Variants in SEMA5A observed in about 807,000 individuals in gnomAD.
SEMA5A encodes the protein semaphorin-5A.
In SEMA5A, 55 loss-of-function variants were observed where a neutral mutation model predicts 135.5. The observed-to-expected ratio is 0.41, with a 90% CI of 0.33 to 0.51. SEMA5A has a LOEUF of 0.51. Ranked by LOEUF, SEMA5A falls within the 20% of genes least tolerant of loss-of-function variation. The pLI is 0.37. For missense variants in SEMA5A, 1,290 were observed against 1,419.9 expected (o/e 0.91, Z 1.47); for synonymous variants, 580 against 546.5 (o/e 1.06, Z -0.85).
At chr5:9,147,192 T>C (rs1203718644) in intron 12 of SEMA5A, among the ~76,000 whole-genome samples, 1 of 152,210 alleles carries the variant, frequency 6.6e-6, no homozygotes, top group Non-Finnish European at 1.5e-5. Context: ...TGATGAGGTG[T>C]TAATTTCTTT....
intron 8 of SEMA5A, among the ~76,000 whole-genome samples, chr5:9,223,956 C>A (rs1288883904): frequency 6.6e-6 from 1 of 152,114 alleles, no homozygotes; most frequent in East Asian, 1.9e-4. Context: ...TTTCTGGTTT[C>A]TTTAAAAATA....
rs142815551 is a variant in SEMA5A, at chr5:9,274,663, C to G, written c.271-36773G>C. 1.9e-3 allele frequency among the ~76,000 whole-genome samples: 286 copies of G among 152,270 alleles called. 1 individual carries two copies. Among genetic ancestry groups the G allele is most frequent in the Admixed American group, 3.7e-3 (57 of 15,304 alleles). On this transcript the variant is annotated intron_variant, in intron 5 of 22. Coordinates refer to ENST00000382496, the MANE Select transcript of SEMA5A (RefSeq NM_003966.3). ...ACCACAGTGCAATCAAATTAGAACT[C>G]AGGATTAAGAAACGCACTCAAAACC...
intron 2 of SEMA5A, among the ~76,000 whole-genome samples, chr5:9,436,235 T>C (rs1014737643): frequency 6.6e-6 from 1 of 152,222 alleles, no homozygotes; most frequent in Non-Finnish European, 1.5e-5. Context: ...CTTCCTATCA[T>C]ATATCATGAT....
At chr5:9,306,418 T>C (rs1751873562) in intron 5 of SEMA5A, among the ~76,000 whole-genome samples, 2 of 152,066 alleles carry the variant, frequency 1.3e-5, no homozygotes, top group South Asian at 4.1e-4. Context: ...CTATGTCTAA[T>C]CTGCTGTTAA....
intron 2 of SEMA5A, among the ~76,000 whole-genome samples, chr5:9,383,428 G>C (rs1755699836): frequency 6.6e-6 from 1 of 152,150 alleles, no homozygotes; most frequent in Non-Finnish European, 1.5e-5. Context: ...CAATGATAAA[G>C]ATAAAATGGG....
At chr5:9,469,809 A>G (rs754754538) in intron 1 of SEMA5A, among the ~76,000 whole-genome samples, 11 of 152,242 alleles carry the variant, frequency 7.2e-5, no homozygotes, top group Non-Finnish European at 1.3e-4. Context: ...GGCTTGCATT[A>G]AAAGCATTTT....
chr5:9,050,337 A>AAAAC, intron 21 of SEMA5A, 73 bp downstream of exon 21: 1 of 1,380,464 alleles, frequency 7.2e-7, no homozygotes, highest in Admixed American at 2.3e-5. Context: ...AAAATTATAG[A>AAAAC]AAACATGCAG....
chr5:9,050,269 GTAGA>G (rs1736492390), intron 21 of SEMA5A, 137 bp downstream of exon 21: 4 of 719,370 alleles, frequency 5.6e-6, no homozygotes, highest in Non-Finnish European at 9.0e-6. Flanking sequence ...TTATGCCAAG[GTAGA>G]ATGCCTGGGA....
intron 1 of SEMA5A, among the ~76,000 whole-genome samples, chr5:9,491,278 C>T (rs886637417): frequency 1.5e-4 from 23 of 151,986 alleles, no homozygotes; most frequent in Middle Eastern, 3.2e-3. Flanking sequence ...AGGGGATTTT[C>T]GGGGCACGAG....
intron 19 of SEMA5A, 95 bp downstream of exon 19, chr5:9,053,992 T>G: frequency 1.4e-6 from 2 of 1,419,002 alleles, no homozygotes; most frequent in South Asian, 1.4e-5. Context: ...CTTTCAGTAC[T>G]TACCATGATG....
intron 3 of SEMA5A, among the ~76,000 whole-genome samples, chr5:9,361,519 T>C (rs1287445531): frequency 6.6e-6 from 1 of 152,188 alleles, no homozygotes; most frequent in African/African-American, 2.4e-5. Flanking sequence ...AAATACTTAA[T>C]AAATGTCTTA....
At chr5:9,340,952 C>G (rs1320768115) in intron 3 of SEMA5A, among the ~76,000 whole-genome samples, 1 of 152,164 alleles carries the variant, frequency 6.6e-6, no homozygotes, top group Non-Finnish European at 1.5e-5. Flanking sequence ...ACCAGTTGCT[C>G]TCATCTCTTC....
chr5:9,066,426 GT>G lies in SEMA5A; in HGVS notation c.2293del (p.Thr765GlnfsTer99). The stretch of plus-strand genomic sequence containing the variant: ...CCCACGGAATCACTACTCACCATCT[GT>G]GGAGCAGCCACTGGTGCCGTCGCTA... Reference protein sequence around the residue: ...CSSDGTSGCSTDGLSGDFLRA... With the variant: ...CSSDGTSGCSXDGLSGDFLRA... On this transcript the variant is annotated frameshift_variant, in exon 17 of 23. Transcript: ENST00000382496. LOFTEE classifies it high-confidence loss of function. 6.2e-7 allele frequency: 1 copy of G among 1,614,076 alleles called. No homozygotes were observed. The highest frequency in any genetic ancestry group is 8.5e-7 in the Non-Finnish European group (1 of 1,179,906).
At chr5:9,480,974 C>A (rs1446800358) in intron 1 of SEMA5A, among the ~76,000 whole-genome samples, 4 of 152,030 alleles carry the variant, frequency 2.6e-5, no homozygotes, top group African/African-American at 7.2e-5. Flanking sequence ...GAGATAGAGT[C>A]TCATTCTGTT....
At position 9,043,001 on chromosome 5, in the gene SEMA5A, T is replaced by C. The variant is rs760730279; in HGVS notation, c.3121A>G (p.Asn1041Asp). ...TTGTTTCTTTCCTCTAGGATCAAGT[T>C]GTTTTTGTTAAATGCCTGGAAAATA... ...VEAIKAFNKN[N>D]LILEERNKYF... Residue 1041 changes from asparagine (N) to aspartate (D), a missense_variant, in exon 23 of 23, where the codon AAC becomes GAC. Physicochemically the swap from Asn to Asp is conservative, Grantham distance 23 (BLOSUM62 1). Transcript: ENST00000382496. 2 of 1,604,774 alleles carry C rather than the reference T, an allele frequency of 1.2e-6. No homozygotes were observed. Among genetic ancestry groups the C allele is most frequent in the South Asian group, 2.2e-5 (2 of 90,166 alleles).
intron 21 of SEMA5A, among the ~76,000 whole-genome samples, chr5:9,047,657 A>G (rs1489529884): frequency 6.6e-6 from 1 of 152,220 alleles, no homozygotes; most frequent in Non-Finnish European, 1.5e-5. Flanking sequence ...TGAAAAAATA[A>G]ACAAGTGAAG....
chr5:9,237,931 T>G (rs369644845), intron 5 of SEMA5A, 41 bp from the exon 6 acceptor site: 47 of 1,580,856 alleles, frequency 3.0e-5, no homozygotes, highest in Non-Finnish European at 3.9e-5. Flanking sequence ...TGGTTTTGAC[T>G]AAATAAAAGG....
intron 4 of SEMA5A, among the ~76,000 whole-genome samples, chr5:9,331,713 C>T (rs972908448): frequency 6.6e-6 from 1 of 152,218 alleles, no homozygotes; most frequent in Non-Finnish European, 1.5e-5. Flanking sequence ...TCTGGTGATG[C>T]TTGATTCCTA....
chr5:9,460,759 A>G (rs1759026084), intron 1 of SEMA5A, among the ~76,000 whole-genome samples: 1 of 152,162 alleles, frequency 6.6e-6, no homozygotes, highest in South Asian at 2.1e-4. Context: ...TATCCTTTTA[A>G]TGATAGTATA....
Sources: allele counts gnomAD v4.1 joint callset (sites outside exome capture counted in the v4.1 genomes callset), GRCh38; gene constraint gnomAD v4.1.1; transcripts MANE v1.5; gene names NCBI Gene and HGNC (gene_info 2026-07-23, HGNC 2026-07-21).